SLX9: variants seen among roughly 807,000 people sequenced by gnomAD.
The protein encoded by SLX9 is ribosome biogenesis protein SLX9 homolog.
Under a neutral mutation model 20.8 loss-of-function variants are expected in SLX9, and 19 were observed. The observed-to-expected ratio is 0.91, with a 90% CI of 0.64 to 1.34. The LOEUF (loss-of-function observed/expected upper bound fraction) is 1.34. SLX9 is among the 40% of genes most tolerant of loss of function. The pLI, the probability that SLX9 is intolerant of heterozygous loss-of-function variation, is 0.00. For missense variants in SLX9, 299 were observed against 322.2 expected (o/e 0.93, Z 0.55); for synonymous variants, 113 against 137.1 (o/e 0.82, Z 1.23).
chr21:44,952,622 C>G (rs1401608104), intron 2 of SLX9, among the ~76,000 whole-genome samples: 2 of 152,192 alleles, frequency 1.3e-5, no homozygotes, highest in African/African-American at 4.8e-5. Flanking sequence ...GCCCCACGCC[C>G]AGCAGAGGTC....
intron 5 of SLX9, among the ~76,000 whole-genome samples, chr21:44,974,607 C>G (rs2085228357): frequency 6.6e-6 from 1 of 152,074 alleles, no homozygotes; most frequent in South Asian, 2.1e-4. Flanking sequence ...GCTCTGTGGC[C>G]CAGGCTGGAG....
At chr21:44,973,007 C>T (rs2085183662) in intron 4 of SLX9, 190 bp from the exon 5 acceptor site, 2 of 696,956 alleles carry the variant, frequency 2.9e-6, no homozygotes, top group Admixed American at 2.7e-5. Context: ...GACGGTCAGG[C>T]AGTTGCACTG....
chr21:44,964,961 C>T (rs1379121026), intron 3 of SLX9, among the ~76,000 whole-genome samples: 1 of 152,210 alleles, frequency 6.6e-6, no homozygotes, highest in Non-Finnish European at 1.5e-5. Flanking sequence ...GTCATGCTCA[C>T]ACTTTGCCTG....
chr21:44,964,108 C>T (rs767636215), intron 3 of SLX9, among the ~76,000 whole-genome samples: 3 of 152,148 alleles, frequency 2.0e-5, no homozygotes, highest in African/African-American at 7.2e-5. Flanking sequence ...AGAGATCTTA[C>T]ATCTTATAAT....
intron 3 of SLX9, among the ~76,000 whole-genome samples, chr21:44,966,774 G>T (rs1250576469): frequency 6.6e-6 from 1 of 152,266 alleles, no homozygotes; most frequent in Non-Finnish European, 1.5e-5. Context: ...GCGTCCCTTT[G>T]CAGGAGAAAT....
intron 1 of SLX9, among the ~76,000 whole-genome samples, chr21:44,941,779 G>A (rs2084554873): frequency 6.6e-6 from 1 of 152,152 alleles, no homozygotes; most frequent in South Asian, 2.1e-4. Flanking sequence ...GGGTCAGAGG[G>A]GCTTACTGTC....
At position 44,940,116 on chromosome 21, in the gene SLX9, G is replaced by A. The variant is rs770537099; in HGVS notation, c.59G>A (p.Gly20Glu). 2.9e-4 allele frequency: 405 copies of A among 1,390,388 alleles called. 1 individual carries two copies. Among genetic ancestry groups the A allele is most frequent in the Non-Finnish European group, 3.5e-4 (369 of 1,064,892 alleles). 86.1% of individuals were successfully genotyped at this position (1,390,388 alleles called of 1,614,324 possible). Residue 20 changes from glycine to glutamate, a missense_variant, in exon 1 of 6, where the codon GGG becomes GAG. Physicochemically the swap from Gly to Glu is moderately conservative, Grantham distance 98 (BLOSUM62 -2). Transcript: ENST00000291634. Reference protein sequence around the residue: ...RVHQAAVRPKGEAAPGPAPPA... With the variant: ...RVHQAAVRPKEEAAPGPAPPA... The stretch of plus-strand genomic sequence containing the variant: ...CACCAGGCTGCCGTGAGGCCGAAAG[G>A]GGAGGCCGCCCCCGGCCCCGCGCCC...
chr21:44,944,952 G>A (rs1018880660), intron 2 of SLX9, among the ~76,000 whole-genome samples: 5 of 152,224 alleles, frequency 3.3e-5, no homozygotes, highest in South Asian at 2.1e-4. Flanking sequence ...GGTGTGAAAC[G>A]TTTAAAACAG....
intron 4 of SLX9, among the ~76,000 whole-genome samples, chr21:44,968,920 A>G (rs571888563): frequency 1.3e-5 from 2 of 152,052 alleles, no homozygotes; most frequent in East Asian, 3.9e-4. Flanking sequence ...TACCTGGCTA[A>G]TTTTTTGTAT....
chr21:44,969,784 C>G (rs1341109487), intron 4 of SLX9, among the ~76,000 whole-genome samples: 1 of 152,192 alleles, frequency 6.6e-6, no homozygotes, highest in Non-Finnish European at 1.5e-5. Flanking sequence ...CTTAGGTTTC[C>G]TTCATTTTTC....
chr21:44,974,911 G>A (rs1453837694), intron 5 of SLX9, among the ~76,000 whole-genome samples: 5 of 152,236 alleles, frequency 3.3e-5, no homozygotes, highest in Non-Finnish European at 5.9e-5. Context: ...AGGGCGACGG[G>A]TTTTCCTCTT....
intron 2 of SLX9, among the ~76,000 whole-genome samples, chr21:44,957,163 G>A (rs1384977435): frequency 1.3e-5 from 2 of 152,244 alleles, no homozygotes; most frequent in African/African-American, 4.8e-5. Flanking sequence ...GGCGTTCCAG[G>A]GACCAGAGCC....
At chr21:44,963,092 CT>C (rs770861444) in intron 3 of SLX9, among the ~76,000 whole-genome samples, 270 of 140,348 alleles carry the variant, frequency 1.9e-3, no homozygotes, top group Middle Eastern at 3.8e-3. Context: ...CATTTTCTTT[CT>C]TTTTTTTTTT....
rs1276829218 is a variant in SLX9, at chr21:44,940,611, A to G, written c.129+425A>G. 2.0e-5 allele frequency among the ~76,000 whole-genome samples: 3 copies of G among 151,574 alleles called. 1 individual carries two copies. Among genetic ancestry groups the G allele is most frequent in the Admixed American group, 2.0e-4 (3 of 15,252 alleles). On this transcript the variant is annotated intron_variant, in intron 1 of 5. Transcript: ENST00000291634. ...CCATCCCCCTCAGCCCTAAGCAAGC[A>G]CGAATCTACCTTTTGTCTTTATTCT...
At chr21:44,956,558 G>A (rs2084861248) in intron 2 of SLX9, among the ~76,000 whole-genome samples, 1 of 152,216 alleles carries the variant, frequency 6.6e-6, no homozygotes, top group South Asian at 2.1e-4. Context: ...GTAGGCCGCA[G>A]CATCTCCCGG....
chr21:44,955,889 G>C (rs2838745), intron 2 of SLX9, among the ~76,000 whole-genome samples: 20 of 152,294 alleles, frequency 1.3e-4, no homozygotes, highest in African/African-American at 4.1e-4. Flanking sequence ...ATGAACGTCT[G>C]ATACTTCACA....
intron 2 of SLX9, among the ~76,000 whole-genome samples, chr21:44,957,537 C>T (rs2084880676): frequency 6.6e-6 from 1 of 152,252 alleles, no homozygotes; most frequent in South Asian, 2.1e-4. Context: ...CCAGGAGCAC[C>T]CTGGATACCA....
chr21:44,972,282 G>A (rs1421217202), intron 4 of SLX9, among the ~76,000 whole-genome samples: 2 of 152,062 alleles, frequency 1.3e-5, no homozygotes, highest in Admixed American at 1.3e-4. Flanking sequence ...GTGAACATTC[G>A]GCCAGGTGGG....
intron 1 of SLX9, among the ~76,000 whole-genome samples, chr21:44,943,315 T>C (rs1201267799): frequency 6.6e-6 from 1 of 152,244 alleles, no homozygotes; most frequent in Non-Finnish European, 1.5e-5. Flanking sequence ...CTATCCTTCA[T>C]CTGCTCAGCT....
Sources: gnomAD v4.1 joint callset for allele counts (sites outside exome capture counted in the v4.1 genomes callset) on GRCh38, gnomAD v4.1.1 for gene constraint, MANE v1.5 for transcripts, NCBI Gene and HGNC (gene_info 2026-07-23, HGNC 2026-07-21) for gene names.